The following RTTN variants were observed in gnomAD, a reference collection of about 807,000 sequenced individuals.
The protein encoded by RTTN is rotatin.
Under a neutral mutation model 269.2 loss-of-function variants are expected in RTTN, and 182 were observed. That is an observed-to-expected ratio of 0.68 (90% CI 0.60 to 0.76). The LOEUF (loss-of-function observed/expected upper bound fraction) is 0.76, where lower values mean the gene tolerates loss of function less well. RTTN is among the 30% of genes least tolerant of loss of function. The pLI is 0.00. For synonymous variants in RTTN, 1,006 were observed against 963.5 expected (o/e 1.04, Z -0.82); for missense variants, 2,545 against 2,608.6 (o/e 0.98, Z 0.53).
chr18:70,146,431 C>T (rs530619399), intron 17 of RTTN, among the ~76,000 whole-genome samples: 1 of 152,084 alleles, frequency 6.6e-6, no homozygotes, highest in East Asian at 1.9e-4. Context: ...GTCACTGAGG[C>T]GGCAGATATT....
At chr18:70,112,432 C>T (rs921248473) in intron 27 of RTTN, among the ~76,000 whole-genome samples, 1 of 107,404 alleles carries the variant, frequency 9.3e-6, no homozygotes, top group African/African-American at 3.4e-5. Context: ...AAAAAACACA[C>T]ATGGGCTCAA....
chr18:70,131,284 C>T (rs940895174), intron 23 of RTTN: 1 of 150,806 alleles, frequency 6.6e-6, no homozygotes, highest in South Asian at 2.1e-4. Flanking sequence ...GAAACGACCA[C>T]GGTATACAAA....
At chr18:70,057,388 G>A (rs1157109547) in intron 37 of RTTN, among the ~76,000 whole-genome samples, 2 of 152,114 alleles carry the variant, frequency 1.3e-5, no homozygotes, top group Non-Finnish European at 2.9e-5. Flanking sequence ...CTTTAACTTT[G>A]GTGTAAATAA....
Sources: gnomAD v4.1 joint callset for allele counts (sites outside exome capture counted in the v4.1 genomes callset) on GRCh38, gnomAD v4.1.1 for gene constraint, MANE v1.5 for transcripts, NCBI Gene and HGNC (gene_info 2026-07-23, HGNC 2026-07-21) for gene names.